SLC10A7: variants seen among roughly 807,000 people sequenced by gnomAD.
The protein encoded by SLC10A7 is solute carrier family 10 member 7, also known as sodium/bile acid cotransporter 7.
In SLC10A7, 29 loss-of-function variants were observed where a neutral mutation model predicts 43.2. That is an observed-to-expected ratio of 0.67 (90% CI 0.50 to 0.92). The LOEUF (loss-of-function observed/expected upper bound fraction) is 0.92, where lower values mean the gene tolerates loss of function less well. SLC10A7 is among the 40% of genes least tolerant of loss of function. SLC10A7 has a pLI of 0.00. For synonymous variants in SLC10A7, 152 were observed against 144.8 expected, an observed-to-expected ratio of 1.05 and a Z score of -0.35; for missense variants, 295 against 403.2, an observed-to-expected ratio of 0.73 and a Z score of 2.30.
chr4:146,459,060 A>G (rs542603913), intron 4 of SLC10A7, among the ~76,000 whole-genome samples: 69 of 151,986 alleles, frequency 4.5e-4, no homozygotes, highest in African/African-American at 1.6e-3. Flanking sequence ...TTCTATATAC[A>G]AGGAAGGAAT....
chr4:146,511,416 G>T (rs1737451292), intron 2 of SLC10A7, among the ~76,000 whole-genome samples: 1 of 152,228 alleles, frequency 6.6e-6, no homozygotes, highest in East Asian at 1.9e-4. Flanking sequence ...GTTACTGGTT[G>T]TAAGTATAGA....
At chr4:146,512,710 T>A (rs980022270) in intron 2 of SLC10A7, among the ~76,000 whole-genome samples, 2 of 152,248 alleles carry the variant, frequency 1.3e-5, no homozygotes, top group African/African-American at 4.8e-5. Flanking sequence ...GGAATATCTG[T>A]TACAACTTAA....
chr4:146,438,072 T>C (rs1281538058), intron 5 of SLC10A7, among the ~76,000 whole-genome samples: 1 of 152,024 alleles, frequency 6.6e-6, no homozygotes, highest in African/African-American at 2.4e-5. Flanking sequence ...TATTAAAACA[T>C]GGCACTTGTG....
At chr4:146,292,888 T>C (rs752589177) in intron 9 of SLC10A7, 41 bp downstream of exon 9, 6 of 1,428,424 alleles carry the variant, frequency 4.2e-6, no homozygotes, top group Middle Eastern at 1.8e-4. Flanking sequence ...GCATGATTCC[T>C]AATTTAGAAA....
intron 5 of SLC10A7, among the ~76,000 whole-genome samples, chr4:146,329,508 CAGAG>C (rs1733386102): frequency 6.6e-6 from 1 of 152,162 alleles, no homozygotes; most frequent in Non-Finnish European, 1.5e-5. Context: ...TGCTGAGCCT[CAGAG>C]AGACTGAGTG....
At chr4:146,280,466 T>C (rs1056903506) in intron 10 of SLC10A7, among the ~76,000 whole-genome samples, 5 of 152,162 alleles carry the variant, frequency 3.3e-5, no homozygotes, top group African/African-American at 1.2e-4. Flanking sequence ...GTGAGAAATC[T>C]CTATACCTTC....
chr4:146,269,114 A>C (rs1728743494), intron 10 of SLC10A7, among the ~76,000 whole-genome samples: 1 of 152,222 alleles, frequency 6.6e-6, no homozygotes, highest in African/African-American at 2.4e-5. Flanking sequence ...AGTTTTATGT[A>C]AATAAAGATG....
At chr4:146,389,378 G>C (rs995797817) in intron 5 of SLC10A7, among the ~76,000 whole-genome samples, 1 of 151,412 alleles carries the variant, frequency 6.6e-6, no homozygotes, top group Admixed American at 6.6e-5. Context: ...GCCATGTGGA[G>C]ACACAGGGAA....
intron 4 of SLC10A7, among the ~76,000 whole-genome samples, chr4:146,454,181 C>T (rs934610884): frequency 6.6e-6 from 1 of 151,858 alleles, no homozygotes; most frequent in Non-Finnish European, 1.5e-5. Flanking sequence ...TACAGGTTCA[C>T]AATAACAATA....
At chr4:146,359,298 G>A (rs1735879120) in intron 5 of SLC10A7, among the ~76,000 whole-genome samples, 1 of 152,124 alleles carries the variant, frequency 6.6e-6, no homozygotes. Context: ...GACAAAGGAT[G>A]TGTGTATTCT....
intron 4 of SLC10A7, among the ~76,000 whole-genome samples, chr4:146,481,366 C>A (rs961873816): frequency 6.6e-6 from 1 of 152,146 alleles, no homozygotes; most frequent in African/African-American, 2.4e-5. Context: ...CCCCACGCCC[C>A]ACAAGCCAAA....
chr4:146,290,273 G>A (rs1488150016), intron 9 of SLC10A7, among the ~76,000 whole-genome samples: 4 of 142,734 alleles, frequency 2.8e-5, no homozygotes, highest in African/African-American at 5.2e-5. Context: ...GCAGTGAACC[G>A]AGATTGTGCC....
intron 4 of SLC10A7, among the ~76,000 whole-genome samples, chr4:146,466,305 G>A (rs1733029237): frequency 6.6e-6 from 1 of 152,100 alleles, no homozygotes; most frequent in Non-Finnish European, 1.5e-5. Context: ...TTATAGATCC[G>A]AAGGGACTAG....
At chr4:146,311,755 G>C (rs889850723) in intron 6 of SLC10A7, among the ~76,000 whole-genome samples, 2 of 152,096 alleles carry the variant, frequency 1.3e-5, no homozygotes, top group African/African-American at 4.8e-5. Context: ...CCTGGGGAAA[G>C]GGAAAGGGAA....
At chr4:146,336,214 G>T (rs1037058780) in intron 5 of SLC10A7, among the ~76,000 whole-genome samples, 1 of 152,096 alleles carries the variant, frequency 6.6e-6, no homozygotes, top group Non-Finnish European at 1.5e-5. Flanking sequence ...AAACAAATTG[G>T]CATGGTAAGA....
chr4:146,290,480 G>T (rs959508290), intron 9 of SLC10A7, among the ~76,000 whole-genome samples: 36 of 152,208 alleles, frequency 2.4e-4, no homozygotes, highest in African/African-American at 8.4e-4. Flanking sequence ...GGGCGGGGAG[G>T]GGGTGCAGAG....
intron 5 of SLC10A7, among the ~76,000 whole-genome samples, chr4:146,420,064 G>A (rs1293515532): frequency 6.6e-6 from 1 of 152,096 alleles, no homozygotes; most frequent in Non-Finnish European, 1.5e-5. Context: ...TGAAGGCTGG[G>A]ACACAGGAAG....
chr4:146,498,903 AT>A (rs1324832854), intron 4 of SLC10A7, among the ~76,000 whole-genome samples: 1 of 152,204 alleles, frequency 6.6e-6, no homozygotes, highest in Non-Finnish European at 1.5e-5. Flanking sequence ...GTAACCAACA[AT>A]TTTACTGAAA....
intron 5 of SLC10A7, among the ~76,000 whole-genome samples, chr4:146,334,174 G>C (rs1305624399): frequency 2.0e-5 from 3 of 152,002 alleles, no homozygotes; most frequent in Non-Finnish European, 4.4e-5. Flanking sequence ...ATGAGTTTGA[G>C]GTATCTGCAA....
Sources: allele counts gnomAD v4.1 joint callset (sites outside exome capture counted in the v4.1 genomes callset), GRCh38; gene constraint gnomAD v4.1.1; transcripts MANE v1.5; gene names NCBI Gene and HGNC (gene_info 2026-07-23, HGNC 2026-07-21).